Variants in ITGB5 observed in about 807,000 individuals in gnomAD.
ITGB5 encodes integrin beta-5.
Under a neutral mutation model 84.8 loss-of-function variants are expected in ITGB5, and 38 were observed. The ratio of observed to expected loss-of-function variants is 0.45; its 90% CI spans 0.35 to 0.59. ITGB5 has a LOEUF of 0.59. Ranked by LOEUF, ITGB5 falls within the 20% of genes least tolerant of loss-of-function variation. The probability of loss-of-function intolerance (pLI) is 0.01; values close to 1 mark genes in which losing one functional copy is unlikely to be tolerated. For synonymous variants in ITGB5, 393 were observed against 414.4 expected (o/e 0.95, Z 0.63); for missense variants, 905 against 1,034.5 (o/e 0.87, Z 1.72).
At chr3:124,775,324 ATG>A (rs750640726) in intron 10 of ITGB5, among the ~76,000 whole-genome samples, 40 of 151,706 alleles carry the variant, frequency 2.6e-4, no homozygotes, top group Admixed American at 7.2e-4. Flanking sequence ...GTGTGAGTGT[ATG>A]TGTGTTGGAG....
intron 7 of ITGB5, among the ~76,000 whole-genome samples, chr3:124,819,070 T>C (rs1371837695): frequency 6.6e-6 from 1 of 152,214 alleles, no homozygotes; most frequent in African/African-American, 2.4e-5. Context: ...AGCACGTTCA[T>C]GTGGGGAGTT....
At chr3:124,890,334 G>T (rs567433010), upstream of ITGB5, among the ~76,000 whole-genome samples, 2 of 150,932 alleles carry the variant, frequency 1.3e-5, no homozygotes, top group South Asian at 4.2e-4. Flanking sequence ...CTCCCAAGTA[G>T]CTGGGACTAC....
intron 10 of ITGB5, chr3:124,792,840 A>G (rs1212684896): frequency 6.6e-6 from 1 of 152,138 alleles, no homozygotes; most frequent in Non-Finnish European, 1.5e-5. Context: ...GTAATGCAGG[A>G]TTAACTTAGG....
intron 5 of ITGB5, among the ~76,000 whole-genome samples, chr3:124,839,268 T>G (rs892819298): frequency 4.6e-5 from 7 of 152,192 alleles, no homozygotes; most frequent in African/African-American, 1.7e-4. Flanking sequence ...TCAACAATAA[T>G]TCACCAGGTC....
intron 2 of ITGB5, among the ~76,000 whole-genome samples, chr3:124,861,811 C>T (rs935846332): frequency 2.0e-5 from 3 of 152,176 alleles, no homozygotes; most frequent in African/African-American, 4.8e-5. Flanking sequence ...CTGCCCGCCT[C>T]GGCCTCCCAA....
rs565404447 is a variant in ITGB5, at chr3:124,785,859, G to A, written c.1693+10529C>T. 1.9e-4 allele frequency among the ~76,000 whole-genome samples: 29 copies of A among 152,252 alleles called. No individual in the cohort carries two copies. In the South Asian group the frequency reaches 5.2e-3, roughly 27 times the overall value. ...TAAAATTTTGACAGAGATAAAGAACGCTTATAAGGTAGGACTTGGAAAATG... is the reference window on the plus strand; with the variant it reads ...TAAAATTTTGACAGAGATAAAGAACACTTATAAGGTAGGACTTGGAAAATG... On this transcript the variant is annotated intron_variant, in intron 10 of 14. Transcript: ENST00000296181.
At chr3:124,803,289 T>C (rs962523188) in intron 9 of ITGB5, among the ~76,000 whole-genome samples, 1 of 152,136 alleles carries the variant, frequency 6.6e-6, no homozygotes, top group Non-Finnish European at 1.5e-5. Flanking sequence ...GGGAAACGCA[T>C]GCACTGTGGC....
intron 10 of ITGB5, 47 bp from the exon 11 acceptor site, chr3:124,773,959 T>C (rs1036668744): frequency 4.5e-6 from 7 of 1,546,144 alleles, no homozygotes; most frequent in Non-Finnish European, 6.2e-6. Flanking sequence ...CCTTTACACA[T>C]GAGCACATAA....
At chr3:124,767,434 G>A (rs1289454153) in intron 12 of ITGB5, among the ~76,000 whole-genome samples, 1 of 152,190 alleles carries the variant, frequency 6.6e-6, no homozygotes, top group African/African-American at 2.4e-5. Flanking sequence ...TGATGGATTG[G>A]AACATAAGCT....
intron 4 of ITGB5, among the ~76,000 whole-genome samples, chr3:124,843,176 A>T (rs1460934356): frequency 6.6e-6 from 1 of 152,156 alleles, no homozygotes; most frequent in African/African-American, 2.4e-5. Flanking sequence ...TGAAAAGAAC[A>T]ATCATGGAAA....
chr3:124,810,609 G>T (rs868841650), intron 8 of ITGB5, among the ~76,000 whole-genome samples: 52 of 145,834 alleles, frequency 3.6e-4, no homozygotes, highest in South Asian at 6.7e-4. Flanking sequence ...AAAAAATTAA[G>T]AATAATAATA....
At chr3:124,882,014 T>C (rs758648274) in intron 1 of ITGB5, among the ~76,000 whole-genome samples, 4 of 152,104 alleles carry the variant, frequency 2.6e-5, no homozygotes, top group Non-Finnish European at 5.9e-5. Flanking sequence ...TCTCCCAGGA[T>C]GTTTCTTCCT....
chr3:124,899,350 C>T (rs1187086588), intron 1 of ITGB5, among the ~76,000 whole-genome samples: 1 of 152,086 alleles, frequency 6.6e-6, no homozygotes, highest in Non-Finnish European at 1.5e-5. Context: ...TCAGGTGCAG[C>T]AAAGGGGCTG....
intron 11 of ITGB5, chr3:124,769,883 G>C (rs1019906941): frequency 6.6e-6 from 1 of 152,210 alleles, no homozygotes; most frequent in Admixed American, 6.5e-5. Flanking sequence ...GAAAATGGAT[G>C]AGCAGCCAAA....
intron 5 of ITGB5, 77 bp downstream of exon 5, chr3:124,841,306 G>T: frequency 1.4e-6 from 2 of 1,423,186 alleles, no homozygotes; most frequent in Non-Finnish European, 9.6e-7. Context: ...AAAGACTCCT[G>T]CAGGAAGTAC....
At position 124,769,016 on chromosome 3, in the gene ITGB5, T is replaced by C. The variant is rs1176155638; in HGVS notation, c.2014A>G (p.Ile672Val). 6.2e-7 allele frequency: 1 copy of C among 1,610,566 alleles called. No individual in the cohort carries two copies. Among genetic ancestry groups the C allele is most frequent in the East Asian group, 2.2e-5 (1 of 44,852 alleles). The change falls in exon 12 of 15, where the codon ATC becomes GTC. Residue 672 changes from isoleucine to valine, a missense_variant. Ile to Val is a conservative substitution (Grantham distance 29). Around this residue, in one of 3 missense-constraint regions of ITGB5, gnomAD observed 116 missense variants for 177.0 expected, o/e 0.66. Coordinates refer to ENST00000296181, the MANE Select transcript of ITGB5 (RefSeq NM_002213.5). ...RDEVITWVDT[I>V]VKDDQEAVLC... The stretch of plus-strand genomic sequence containing the variant: ...CGGGTGGTGGCAGCACACTCACCGA[T>C]GGTGTCCACCCATGTGATCACCTCA...
chr3:124,855,892 T>C (rs1469759339), intron 3 of ITGB5, among the ~76,000 whole-genome samples: 1 of 152,244 alleles, frequency 6.6e-6, no homozygotes, highest in Non-Finnish European at 1.5e-5. Flanking sequence ...TGAGCATATA[T>C]TGAGTTTTAT....
At chr3:124,764,986 C>T (rs3772812) in intron 13 of ITGB5, among the ~76,000 whole-genome samples, 40,615 of 152,108 alleles carry the variant, frequency 0.27, 6,277 homozygotes, top group African/African-American at 0.41. Context: ...AAGCCTTTAG[C>T]GTGGTGTCCC....
intron 5 of ITGB5, among the ~76,000 whole-genome samples, chr3:124,828,025 A>G (rs2064808447): frequency 6.8e-6 from 1 of 147,224 alleles, no homozygotes; most frequent in Non-Finnish European, 1.5e-5. Flanking sequence ...CTCTCTTTTC[A>G]GACTCAGCCT....
Sources: allele counts gnomAD v4.1 joint callset (sites outside exome capture counted in the v4.1 genomes callset), GRCh38; gene constraint gnomAD v4.1.1; regional missense constraint gnomAD v4.1.1; transcripts MANE v1.5; gene names NCBI Gene and HGNC (gene_info 2026-07-23, HGNC 2026-07-21).